The following UGGT1 variants were observed in gnomAD, a reference collection of about 807,000 sequenced individuals.
UGGT1 encodes UDP-glucose:glycoprotein glucosyltransferase 1.
Under a neutral mutation model 203.9 loss-of-function variants are expected in UGGT1, and 107 were observed. That is an observed-to-expected ratio of 0.52 (90% CI 0.45 to 0.62). The LOEUF (loss-of-function observed/expected upper bound fraction) is 0.62, where lower values mean the gene tolerates loss of function less well. Among genes scored for constraint, UGGT1 ranks in the 20% least tolerant of loss-of-function variants. The pLI, the probability that UGGT1 is intolerant of heterozygous loss-of-function variation, is 0.00. For missense variants in UGGT1, 1,673 were observed against 1,867.2 expected, an observed-to-expected ratio of 0.90 and a Z score of 1.92; for synonymous variants, 628 against 653.5, an observed-to-expected ratio of 0.96 and a Z score of 0.59.
intron 13 of UGGT1, among the ~76,000 whole-genome samples, chr2:128,130,679 G>A (rs966884647): frequency 6.6e-6 from 1 of 152,062 alleles, no homozygotes; most frequent in Non-Finnish European, 1.5e-5. Flanking sequence ...GCCCTTCTTT[G>A]TCCCTTACCA....
rs371618884 is a variant in UGGT1 at position 128,181,004 on chromosome 2, A to G, written c.4015A>G (p.Lys1339Glu). ...TEKQRIIWGYKILFLDVLFPL... is the reference protein window; with the variant it reads ...TEKQRIIWGYEILFLDVLFPL... ...AAAACAGCGTATCATCTGGGGTTAC[A>G]AGATCCTCTTCCTGGATGTACTTTT... The change falls in exon 36 of 41, where the codon AAG (lysine) becomes GAG (glutamate). Residue 1339 changes from lysine (K) to glutamate (E), a missense_variant. This residue lies in a region of UGGT1 where 513 missense variants were observed against 684.1 expected (regional missense o/e 0.75). Transcript: ENST00000259253. The G allele has an allele frequency of 3.7e-6, 6 of 1,614,082 alleles. No individual in the cohort carries two copies. Among genetic ancestry groups the G allele is most frequent in the Non-Finnish European group, 5.1e-6 (6 of 1,180,042 alleles).
In UGGT1 at chr2:128,121,460, C is replaced by T. The variant is rs188369110; in HGVS notation, c.1073+162C>T. On this transcript the variant is annotated intron_variant, in intron 10 of 40. Transcript: ENST00000259253. The stretch of plus-strand genomic sequence containing the variant: ...CACTCTTGTTGCCGAGGCTAGAGTG[C>T]AGTGGTGCAATCTCGGCTTACCACA... Among the ~76,000 whole-genome samples, 383 of 135,528 alleles carry T rather than the reference C, an allele frequency of 2.8e-3. 2 individuals are homozygous for T. Among genetic ancestry groups the T allele is most frequent in the African/African-American group, 0.01 (373 of 36,112 alleles). 88.9% of individuals were successfully genotyped at this position (135,528 alleles called of 152,430 possible).
At chr2:128,098,318 A>G (rs1253543326) in intron 2 of UGGT1, among the ~76,000 whole-genome samples, 2 of 152,220 alleles carry the variant, frequency 1.3e-5, no homozygotes, top group Non-Finnish European at 2.9e-5. Flanking sequence ...TATAATCCCA[A>G]CACTTTGGGT....
intron 19 of UGGT1, among the ~76,000 whole-genome samples, chr2:128,154,328 C>T (rs12620042): frequency 0.011 from 1,636 of 152,168 alleles, 48 homozygotes; most frequent in East Asian, 0.059. Context: ...AACATAATAG[C>T]GGTTTTGTTT....
In UGGT1 at chr2:128,119,826, T is replaced by TC. The variant is rs1553434889; in HGVS notation, c.873-527dup. Reference sequence around the variant, plus strand: ...AACTATTTATTAAGCTTTCTTTTTTTCCCAGTATAAGCCTTTTTTTACTTT... The same window carrying TC: ...AACTATTTATTAAGCTTTCTTTTTTTCCCCAGTATAAGCCTTTTTTTACTTT... On this transcript the variant is annotated intron_variant, in intron 8 of 40. Transcript: ENST00000259253. Among the ~76,000 whole-genome samples, 12 of 152,060 alleles carry TC rather than the reference T, an allele frequency of 7.9e-5. No homozygotes were observed. In the South Asian group the frequency reaches 1.2e-3, roughly 16 times the overall value.
At chr2:128,145,213 T>G (rs1689624048) in intron 17 of UGGT1, among the ~76,000 whole-genome samples, 1 of 152,214 alleles carries the variant, frequency 6.6e-6, no homozygotes, top group Non-Finnish European at 1.5e-5. Context: ...CCTCAGGCTT[T>G]TTGCATAGAG....
intron 29 of UGGT1, 83 bp from the exon 30 acceptor site, chr2:128,173,698 G>C: frequency 6.8e-6 from 10 of 1,468,544 alleles, no homozygotes; most frequent in Non-Finnish European, 9.3e-6. Flanking sequence ...CTTTTTGTCT[G>C]CTTCCTTTAC....
At chr2:128,119,970 T>A in intron 8 of UGGT1, among the ~76,000 whole-genome samples, 1 of 151,532 alleles carries the variant, frequency 6.6e-6, no homozygotes, top group Non-Finnish European at 1.5e-5. Flanking sequence ...AGAGACAAGG[T>A]CTTGCTGTGT....
At chr2:128,092,528 T>C (rs1462141293) in intron 1 of UGGT1, among the ~76,000 whole-genome samples, 1 of 151,606 alleles carries the variant, frequency 6.6e-6, no homozygotes, top group African/African-American at 2.4e-5. Flanking sequence ...CCTGCAGCTG[T>C]CTGTGAGCAT....
At chr2:128,102,532 G>A (rs1687427667) in intron 2 of UGGT1, among the ~76,000 whole-genome samples, 1 of 152,110 alleles carries the variant, frequency 6.6e-6, no homozygotes, top group African/African-American at 2.4e-5. Context: ...GTAAAAAAAG[G>A]CAGCATTTCT....
chr2:128,164,539 A>G (rs539557794), intron 25 of UGGT1, among the ~76,000 whole-genome samples, 191 bp from the exon 26 acceptor site: 2 of 152,192 alleles, frequency 1.3e-5, no homozygotes, highest in Non-Finnish European at 2.9e-5. Flanking sequence ...TCCATTTCAC[A>G]TGTGGGAAAG....
Position 128,194,582 on chromosome 2 carries a change from TTAA to T in UGGT1, c.*4845_*4847del, listed in dbSNP as rs1234384012. 1 of 152,150 alleles carries T rather than the reference TTAA, an allele frequency of 6.6e-6. No homozygotes were observed. Among genetic ancestry groups the T allele is most frequent in the Non-Finnish European group, 1.5e-5 (1 of 68,018 alleles). The allele number at this position is 152,150 out of a possible 1,614,324, so 9.4% of individuals were successfully genotyped here. On this transcript the variant is annotated 3_prime_UTR_variant, in exon 41 of 41. Coordinates refer to ENST00000259253, the MANE Select transcript of UGGT1 (RefSeq NM_020120.4). ...GCGCCTGTCCCATTGTTGTGTAATTTTAATAATTAGTTTTTTAAGTACTTGATT... is the reference window on the plus strand; with the variant it reads ...GCGCCTGTCCCATTGTTGTGTAATTTTAATTAGTTTTTTAAGTACTTGATT...
Position 128,170,428 on chromosome 2 carries a change from T to C in UGGT1, c.3024+38T>C, listed in dbSNP as rs200682248. On this transcript the variant is annotated intron_variant, in intron 27 of 40. Transcript: ENST00000259253. Reference sequence around the variant, plus strand: ...TGCAGGAAGTGTACATCACCTTTGTTTGAAGTTGTCACATGCTCTGAAATT... The same window carrying C: ...TGCAGGAAGTGTACATCACCTTTGTCTGAAGTTGTCACATGCTCTGAAATT... 160 of 1,578,290 alleles carry C rather than the reference T, an allele frequency of 1.0e-4. No individual in the cohort carries two copies. The East Asian group carries it at 3.3e-3, about 33-fold the overall frequency.
In UGGT1 at chr2:128,187,575, G is replaced by T; in HGVS notation, c.4603G>T (p.Ala1535Ser). 1 of 1,613,968 alleles carries T rather than the reference G, an allele frequency of 6.2e-7. No homozygotes were observed. Among genetic ancestry groups the T allele is most frequent in the African/African-American group, 1.3e-5 (1 of 75,034 alleles). Residue 1535 changes from alanine (A) to serine (S), a missense_variant, in exon 40 of 41, where the codon GCA (alanine) becomes TCA (serine). Physicochemically the swap from Ala to Ser is moderately conservative, Grantham distance 99 (BLOSUM62 1). Coordinates refer to ENST00000259253, the MANE Select transcript of UGGT1 (RefSeq NM_020120.4). ...IRFQKEKETG[A>S]LYKEKTKEPS... ...CTTTCAGAAGGAGAAAGAAACGGGA[G>T]CACTGTACAAAGAGAAGACAAAAGA... is the stretch of plus-strand genomic sequence containing the variant.
chr2:128,145,011 T>G (rs768539986), intron 17 of UGGT1, among the ~76,000 whole-genome samples: 55 of 152,216 alleles, frequency 3.6e-4, no homozygotes, highest in African/African-American at 1.1e-3. Flanking sequence ...TAGGTACATT[T>G]GCCGTTTTGT....
chr2:128,181,377 C>T lies in UGGT1; in HGVS notation c.4083+305C>T, dbSNP rs1480621350. Among the ~76,000 whole-genome samples, 3 of 152,190 alleles carry T rather than the reference C, an allele frequency of 2.0e-5. No homozygotes were observed. The East Asian group carries it at 5.8e-4, about 29-fold the overall frequency. ...ATTAACATTTAGCAGTGCTTGCCAT[C>T]ATCTCTAATTATCTGCCCAAAAGAT... is the stretch of plus-strand genomic sequence containing the variant. On this transcript the variant is annotated intron_variant, in intron 36 of 40. Transcript: ENST00000259253.
chr2:128,155,942 G>A (rs1690206818), intron 20 of UGGT1, among the ~76,000 whole-genome samples: 1 of 152,088 alleles, frequency 6.6e-6, no homozygotes, highest in African/African-American at 2.4e-5. Flanking sequence ...ATTATTTTGG[G>A]GTTTATAAGA....
At chr2:128,176,224 G>A (rs899972681) in intron 31 of UGGT1, among the ~76,000 whole-genome samples, 8 of 152,126 alleles carry the variant, frequency 5.3e-5, no homozygotes, top group Non-Finnish European at 1.2e-4. Context: ...GACCAGCCTA[G>A]CCACTATGGT....
chr2:128,179,736 G>C, intron 34 of UGGT1, 50 bp from the exon 35 acceptor site: 5 of 1,496,774 alleles, frequency 3.3e-6, no homozygotes, highest in Non-Finnish European at 3.7e-6. Flanking sequence ...TAATGTTGAG[G>C]TTAAATAACA....
Sources: gnomAD v4.1 joint callset for allele counts (sites outside exome capture counted in the v4.1 genomes callset) on GRCh38, gnomAD v4.1.1 for gene constraint, gnomAD v4.1.1 regional missense constraint, MANE v1.5 for transcripts, NCBI Gene and HGNC (gene_info 2026-07-23, HGNC 2026-07-21) for gene names.